Variants in STAU1 observed in about 807,000 individuals in gnomAD.
The protein encoded by STAU1 is double-stranded RNA-binding protein Staufen homolog 1.
Under a neutral mutation model 62.9 loss-of-function variants are expected in STAU1, and 13 were observed. That is an observed-to-expected ratio of 0.21 (90% CI 0.13 to 0.33). The LOEUF (loss-of-function observed/expected upper bound fraction) is 0.33, where lower values mean the gene tolerates loss of function less well. Among genes scored for constraint, STAU1 ranks in the 10% least tolerant of loss-of-function variants. STAU1 has a pLI of 1.00. For synonymous variants in STAU1, 269 were observed against 265.1 expected (o/e 1.01, Z -0.14); for missense variants, 571 against 712.1 (o/e 0.80, Z 2.25).
chr20:49,153,251 G>GGAAAAAAAAAA (rs1379385445), intron 4 of STAU1, among the ~76,000 whole-genome samples: 1 of 99,076 alleles, frequency 1.0e-5, no homozygotes, highest in African/African-American at 3.9e-5. Flanking sequence ...CTCCGTCTCA[G>GGAAAAAAAAAA]AAAAAAAAAA....
chr20:49,151,999 G>A (rs570824708), intron 4 of STAU1, among the ~76,000 whole-genome samples: 19 of 152,306 alleles, frequency 1.2e-4, no homozygotes, highest in African/African-American at 4.3e-4. Context: ...TATAAATTAT[G>A]AGTTTATCAC....
intron 1 of STAU1, among the ~76,000 whole-genome samples, chr20:49,176,895 G>A (rs2093666272): frequency 1.3e-5 from 2 of 150,096 alleles, no homozygotes; most frequent in African/African-American, 4.9e-5. Context: ...CCCCTATTCT[G>A]AGAAGCAGGG....
chr20:49,149,261 C>CACAG (rs1600733575), intron 5 of STAU1, among the ~76,000 whole-genome samples: 1 of 147,400 alleles, frequency 6.8e-6, no homozygotes, highest in East Asian at 2.0e-4. Context: ...AACACACACA[C>CACAG]ACACACACAC....
chr20:49,161,662 C>G (rs972813349), intron 3 of STAU1, among the ~76,000 whole-genome samples: 2 of 152,168 alleles, frequency 1.3e-5, no homozygotes, highest in African/African-American at 4.8e-5. Flanking sequence ...GGATTTTTCT[C>G]TATGGGGTTC....
At chr20:49,142,745 C>A (rs544454299) in intron 5 of STAU1, among the ~76,000 whole-genome samples, 1 of 152,204 alleles carries the variant, frequency 6.6e-6, no homozygotes, top group African/African-American at 2.4e-5. Flanking sequence ...AACAAAGCAG[C>A]CAGTAAAATA....
chr20:49,133,800 T>G (rs1268818735), intron 6 of STAU1, among the ~76,000 whole-genome samples: 1 of 152,078 alleles, frequency 6.6e-6, no homozygotes, highest in Non-Finnish European at 1.5e-5. Context: ...AAACAAGCCC[T>G]CGTACCCAGG....
rs1316128184 is a variant in STAU1, at chr20:49,188,177, G to A, written c.-221C>T. 6.6e-6 allele frequency: 1 copy of A among 151,544 alleles called. No individual in the cohort carries two copies. Among genetic ancestry groups the A allele is most frequent in the African/African-American group, 2.4e-5 (1 of 41,260 alleles). 9.4% of individuals were successfully genotyped at this position (151,544 alleles called of 1,614,324 possible). A position where few individuals can be genotyped will look rare whatever the true frequency, so the allele number is the denominator to read the frequency against. ...TCCTGGGCGGTGGCGGCGAGGAGGG[G>A]AAGGAAGAAGGAAAAAAGGGAGAGG... On this transcript the variant is annotated 5_prime_UTR_variant, in exon 1 of 14. Coordinates refer to ENST00000371856, the MANE Select transcript of STAU1 (RefSeq NM_017453.4).
At chr20:49,153,106 C>T (rs1361069618) in intron 4 of STAU1, among the ~76,000 whole-genome samples, 7 of 151,564 alleles carry the variant, frequency 4.6e-5, no homozygotes, top group Non-Finnish European at 1.0e-4. Context: ...AAAAATTAGC[C>T]GGGTGTGGTG....
chr20:49,120,911 C>T (rs1210505527), intron 8 of STAU1, among the ~76,000 whole-genome samples: 1 of 152,106 alleles, frequency 6.6e-6, no homozygotes, highest in Non-Finnish European at 1.5e-5. Context: ...TCTCCTGCCT[C>T]AGCCACCCGA....
At chr20:49,174,073 A>C (rs1368538513) in intron 2 of STAU1, 122 bp downstream of exon 2, 1 of 152,214 alleles carries the variant, frequency 6.6e-6, no homozygotes, top group African/African-American at 2.4e-5. Flanking sequence ...AAACTGCATA[A>C]AATTTGTTTC....
the STAU1 span, among the ~76,000 whole-genome samples, chr20:49,217,977 G>A: frequency 7.3e-5 from 11 of 150,346 alleles, no homozygotes; most frequent in East Asian, 1.8e-3. Flanking sequence ...GGGTTCAAGC[G>A]ATTCTCCTGC....
At chr20:49,156,197 T>A (rs1480217258) in intron 3 of STAU1, among the ~76,000 whole-genome samples, 2 of 152,220 alleles carry the variant, frequency 1.3e-5, no homozygotes, top group African/African-American at 4.8e-5. Context: ...TGACTCTAAA[T>A]TAAACTTATA....
At chr20:49,181,945 CT>C (rs1183749502) in intron 1 of STAU1, among the ~76,000 whole-genome samples, 4 of 152,108 alleles carry the variant, frequency 2.6e-5, no homozygotes, top group Non-Finnish European at 4.4e-5. Context: ...GCCAGTTTTG[CT>C]TCCATTACTG....
At position 49,132,045 on chromosome 20, in the gene STAU1, T is replaced by C. The variant is rs183304630; in HGVS notation, c.609+3788A>G. Among the ~76,000 whole-genome samples the C allele has an allele frequency of 2.0e-3, 300 of 150,758 alleles. 1 individual carries two copies. Among genetic ancestry groups the C allele is most frequent in the African/African-American group, 7.0e-3 (285 of 40,978 alleles). ...ATGGATGCACTCTTTTTTTTTTTGG[T>C]GTAGGGGAAGGAGGTAGCGGAGAAT... On this transcript the variant is annotated intron_variant, in intron 6 of 13. Coordinates refer to ENST00000371856, the MANE Select transcript of STAU1 (RefSeq NM_017453.4).
At chr20:49,204,635 TATATATATA>T in the STAU1 span, among the ~76,000 whole-genome samples, 24 of 62,566 alleles carry the variant, frequency 3.8e-4, no homozygotes, top group Non-Finnish European at 5.0e-4. Flanking sequence ...TGTATATATA[TATATATATA>T]TATTTTTTTT....
At position 49,119,968 on chromosome 20, in the gene STAU1, C is replaced by T. The variant is rs757519792; in HGVS notation, c.1113+14G>A. The T allele has an allele frequency of 1.1e-5, 17 of 1,611,624 alleles. No individual in the cohort carries two copies. The highest frequency in any genetic ancestry group is 1.4e-5 in the Non-Finnish European group (17 of 1,178,286). Reference sequence around the variant, plus strand: ...GAGAGACCATCTTGCAATCAGAGAGCCCACAGCACTCACCTTCTCCTCTGA... The same window carrying T: ...GAGAGACCATCTTGCAATCAGAGAGTCCACAGCACTCACCTTCTCCTCTGA... On this transcript the variant is annotated intron_variant, in intron 9 of 13. Transcript: ENST00000371856.
the STAU1 span, among the ~76,000 whole-genome samples, chr20:49,208,689 G>A: frequency 4.7e-5 from 7 of 149,982 alleles, no homozygotes; most frequent in South Asian, 8.4e-4. Flanking sequence ...GCGTGATCTC[G>A]GCTCACTGCA....
intron 2 of STAU1, among the ~76,000 whole-genome samples, chr20:49,168,533 C>CA (rs374958412): frequency 4.4e-4 from 62 of 139,348 alleles, no homozygotes; most frequent in African/African-American, 6.3e-4. Flanking sequence ...CAAAACAAAC[C>CA]AAAAAAAAAA....
intron 13 of STAU1, among the ~76,000 whole-genome samples, 157 bp from the exon 14 acceptor site, chr20:49,115,050 A>C (rs1187255902): frequency 2.0e-5 from 3 of 152,182 alleles, no homozygotes; most frequent in Non-Finnish European, 4.4e-5. Context: ...CCAGTAAGTA[A>C]AATACGCAAG....
Sources: gnomAD v4.1 joint callset for allele counts (sites outside exome capture counted in the v4.1 genomes callset) on GRCh38, gnomAD v4.1.1 for gene constraint, MANE v1.5 for transcripts, NCBI Gene and HGNC (gene_info 2026-07-23, HGNC 2026-07-21) for gene names.